TENM2: variants seen among roughly 807,000 people sequenced by gnomAD.
TENM2 encodes teneurin transmembrane protein 2.
In TENM2, 52 loss-of-function variants were observed where a neutral mutation model predicts 245.2. The ratio of observed to expected loss-of-function variants is 0.21; its 90% CI spans 0.17 to 0.27. The LOEUF (loss-of-function observed/expected upper bound fraction) is 0.27. Ranked by LOEUF, TENM2 falls within the 10% of genes least tolerant of loss-of-function variation. The probability of loss-of-function intolerance (pLI) is 1.00; values close to 1 mark genes in which losing one functional copy is unlikely to be tolerated. For synonymous variants in TENM2, 1,363 were observed against 1,438.9 expected (o/e 0.95, Z 1.19); for missense variants, 3,046 against 3,666.8 (o/e 0.83, Z 4.37).
chr5:167,260,397 A>G, the TENM2 span, among the ~76,000 whole-genome samples: 1 of 152,202 alleles, frequency 6.6e-6, no homozygotes, highest in African/African-American at 2.4e-5. Context: ...CCCCTCAGCT[A>G]TAAAAGTTTA....
chr5:167,092,083 A>C, the TENM2 span, among the ~76,000 whole-genome samples: 1 of 152,286 alleles, frequency 6.6e-6, no homozygotes, highest in African/African-American at 2.4e-5. Flanking sequence ...AGAGGTTGGG[A>C]AACTACAGCC....
rs1244300584 is a variant in TENM2 at position 167,458,490 on chromosome 5, AAAAC to A, written c.502+83021_502+83024del. On this transcript the variant is annotated intron_variant, in intron 2 of 28. Coordinates refer to ENST00000518659, the Ensembl canonical transcript of TENM2. ...CGACAAAGCAAGACTCCGTCTCAAA[AAAAC>A]AAAAAAAAAAAAAAAAAAAAAAGAC... Among the ~76,000 whole-genome samples, 234 of 127,622 alleles carry A rather than the reference AAAAC, an allele frequency of 1.8e-3. 4 individuals carry two copies. The highest frequency in any genetic ancestry group is 6.4e-3 in the African/African-American group (222 of 34,648). The allele number at this position is 127,622 out of a possible 152,430, so 83.7% of individuals were successfully genotyped here.
intron 11 of TENM2, among the ~76,000 whole-genome samples, chr5:168,126,327 G>T (rs1431345606): frequency 6.6e-6 from 1 of 152,146 alleles, no homozygotes; most frequent in Non-Finnish European, 1.5e-5. Flanking sequence ...GATCTTTTCA[G>T]GTGGGTACTT....
the TENM2 span, among the ~76,000 whole-genome samples, chr5:167,192,143 G>T: frequency 6.6e-6 from 1 of 152,026 alleles, no homozygotes; most frequent in African/African-American, 2.4e-5. Flanking sequence ...TCTCATCTTA[G>T]TGTGGGCAGA....
intron 19 of TENM2, among the ~76,000 whole-genome samples, chr5:168,209,422 C>CA (rs1762621766): frequency 6.6e-6 from 1 of 152,192 alleles, no homozygotes; most frequent in Non-Finnish European, 1.5e-5. Context: ...GAGCATTCCT[C>CA]AAAGACATTC....
intron 2 of TENM2, among the ~76,000 whole-genome samples, chr5:167,665,441 C>CA (rs113215263): frequency 0.02 from 2,897 of 143,926 alleles, 80 homozygotes; most frequent in African/African-American, 0.067. Flanking sequence ...TATAAGAGAC[C>CA]AAAAAAAAAA....
At chr5:167,743,302 C>T (rs924792126) in intron 2 of TENM2, among the ~76,000 whole-genome samples, 1 of 152,042 alleles carries the variant, frequency 6.6e-6, no homozygotes, top group Non-Finnish European at 1.5e-5. Flanking sequence ...CTACTGTTTG[C>T]AGAGGGAAAA....
chr5:167,646,573 C>G (rs1275926299), intron 2 of TENM2, among the ~76,000 whole-genome samples: 1 of 151,626 alleles, frequency 6.6e-6, no homozygotes, highest in Non-Finnish European at 1.5e-5. Flanking sequence ...TTCTTGGTGG[C>G]GATCCTGCTT....
chr5:168,264,115 T>C (rs1230064865), downstream of TENM2: 1 of 152,498 alleles, frequency 6.6e-6, no homozygotes, highest in African/African-American at 2.4e-5. Context: ...GCAAAGTGTT[T>C]AAATTGTTTA....
chr5:167,264,902 G>A, the TENM2 span, among the ~76,000 whole-genome samples: 1 of 152,174 alleles, frequency 6.6e-6, no homozygotes, highest in African/African-American at 2.4e-5. Flanking sequence ...TACATGCAGG[G>A]TCAGACAGAA....
intron 2 of TENM2, among the ~76,000 whole-genome samples, chr5:167,695,282 A>G (rs2150416716): frequency 6.6e-6 from 1 of 152,356 alleles, no homozygotes; most frequent in Middle Eastern, 3.4e-3. Context: ...GCTACTACTC[A>G]GTTCAGCCAT....
chr5:168,042,391 G>A (rs180918709), intron 5 of TENM2, among the ~76,000 whole-genome samples: 117 of 152,290 alleles, frequency 7.7e-4, no homozygotes, highest in Middle Eastern at 3.4e-3. Flanking sequence ...ACAAGCAGGG[G>A]CTGAGCAGCT....
In TENM2 at chr5:167,967,892, C is replaced by T. The variant is rs376515218; in HGVS notation, c.947+15070C>T. The stretch of plus-strand genomic sequence containing the variant: ...TTCCCAGAGGATATTTTATCTGGCT[C>T]AGACAGGGAGAAACTTGATGAAGCG... On this transcript the variant is annotated intron_variant, in intron 4 of 28. Coordinates refer to ENST00000518659, the Ensembl canonical transcript of TENM2. Among the ~76,000 whole-genome samples, 12 of 152,348 alleles carry T rather than the reference C, an allele frequency of 7.9e-5. No homozygotes were observed. The East Asian group carries it at 2.3e-3, about 29-fold the overall frequency.
intron 3 of TENM2, among the ~76,000 whole-genome samples, chr5:167,942,322 C>G (rs529480326): frequency 6.3e-4 from 96 of 152,314 alleles, no homozygotes; most frequent in African/African-American, 2.2e-3. Context: ...AACGTAGTAT[C>G]TCATTTAACT....
chr5:167,124,066 T>C, the TENM2 span, among the ~76,000 whole-genome samples: 1 of 152,222 alleles, frequency 6.6e-6, no homozygotes, highest in Non-Finnish European at 1.5e-5. Flanking sequence ...GGAGAATATT[T>C]CCATATGCTA....
chr5:167,486,006 G>C (rs1183312031), intron 2 of TENM2, among the ~76,000 whole-genome samples: 1 of 151,906 alleles, frequency 6.6e-6, no homozygotes, highest in Non-Finnish European at 1.5e-5. Flanking sequence ...ACTTTTCCCA[G>C]TGTCTAGTAG....
chr5:167,934,993 A>G, intron 3 of TENM2: 1 of 856,244 alleles, frequency 1.2e-6, no homozygotes, highest in South Asian at 5.3e-5. Flanking sequence ...AGAAAACAGT[A>G]GGTGTCATTT....
intron 2 of TENM2, among the ~76,000 whole-genome samples, chr5:167,599,119 G>C (rs1176469877): frequency 6.6e-6 from 1 of 152,216 alleles, no homozygotes; most frequent in Non-Finnish European, 1.5e-5. Flanking sequence ...AGTGGAAAGA[G>C]AGTGCTTTCT....
At chr5:167,794,582 A>G (rs1765196788) in intron 2 of TENM2, among the ~76,000 whole-genome samples, 2 of 152,366 alleles carry the variant, frequency 1.3e-5, no homozygotes, top group Admixed American at 6.5e-5. Context: ...CATGCAATAA[A>G]GAGTAAGATC....
Sources: allele counts gnomAD v4.1 joint callset (sites outside exome capture counted in the v4.1 genomes callset), GRCh38; gene constraint gnomAD v4.1.1; transcripts MANE v1.5; gene names NCBI Gene and HGNC (gene_info 2026-07-23, HGNC 2026-07-21).